Variants in MAMLD1 observed in about 807,000 individuals in gnomAD.
The protein encoded by MAMLD1 is mastermind like domain containing 1.
A neutral mutation model predicts 45.0 loss-of-function variants in MAMLD1; 14 were observed. That is an observed-to-expected ratio of 0.31 (90% CI 0.21 to 0.49). The LOEUF (loss-of-function observed/expected upper bound fraction) is 0.49. Among genes scored for constraint, MAMLD1 ranks in the 20% least tolerant of loss-of-function variants. The pLI, the probability that MAMLD1 is intolerant of heterozygous loss-of-function variation, is 0.99. For missense variants in MAMLD1, 543 were observed against 603.6 expected, an observed-to-expected ratio of 0.90 and a Z score of 1.05; for synonymous variants, 254 against 247.8, an observed-to-expected ratio of 1.02 and a Z score of -0.24.
At chrX:150,415,688 G>T (rs2034231277) in intron 1 of MAMLD1, among the ~76,000 whole-genome samples, 1 of 112,176 alleles carries the variant, frequency 8.9e-6, no homozygotes, top group African/African-American at 3.2e-5. Context: ...GAATGGTAGT[G>T]GATGACATTC....
intron 1 of MAMLD1, among the ~76,000 whole-genome samples, chrX:150,370,606 A>G (rs2031897217): frequency 9.0e-6 from 1 of 111,224 alleles, no homozygotes; most frequent in Non-Finnish European, 1.9e-5. Flanking sequence ...TTACCAGCCC[A>G]GGGCTGCTGA....
At chrX:150,426,446 C>T (rs984432270) in intron 1 of MAMLD1, among the ~76,000 whole-genome samples, 1 of 112,358 alleles carries the variant, frequency 8.9e-6, no homozygotes, top group African/African-American at 3.2e-5. Context: ...GCCATCAAGC[C>T]ATGCAAAATT....
chrX:150,454,936 T>C (rs1827056164), intron 2 of MAMLD1, among the ~76,000 whole-genome samples: 1 of 110,911 alleles, frequency 9.0e-6, no homozygotes, highest in Non-Finnish European at 1.9e-5. Context: ...CCATCACCTC[T>C]ACCATTACCA....
At chrX:150,441,464 T>C (rs1410760028) in intron 1 of MAMLD1, among the ~76,000 whole-genome samples, 1 of 110,350 alleles carries the variant, frequency 9.1e-6, no homozygotes, top group African/African-American at 3.3e-5. Context: ...GCTTTACCTG[T>C]GTCCCACAAA....
At chrX:150,468,428 G>A (rs1159266216) in intron 3 of MAMLD1, among the ~76,000 whole-genome samples, 4 of 111,236 alleles carry the variant, frequency 3.6e-5, no homozygotes, top group Non-Finnish European at 7.6e-5. Flanking sequence ...GGTTATTTGG[G>A]GGGTACCGGG....
chrX:150,497,635 G>A (rs999516973), intron 5 of MAMLD1, among the ~76,000 whole-genome samples: 3 of 110,072 alleles, frequency 2.7e-5, no homozygotes, highest in South Asian at 3.8e-4. Flanking sequence ...CATACCACAC[G>A]TATCATAACA....
chrX:150,473,992 C>T (rs1321094991), intron 5 of MAMLD1, among the ~76,000 whole-genome samples, 190 bp downstream of exon 5: 7 of 111,780 alleles, frequency 6.3e-5, no homozygotes, highest in Admixed American at 1.9e-4. Context: ...AGTCAAGCTC[C>T]CTGGGGCTAG....
In MAMLD1 at chrX:150,365,471, G is replaced by T. The variant is rs1235282680; in HGVS notation, c.-64+1941G>T. Reference sequence around the variant, plus strand: ...CCCTAGGCTGCAAGCGCTCCGCGGGGTGGGCAGACGCGACTCGCCGATGCG... The same window carrying T: ...CCCTAGGCTGCAAGCGCTCCGCGGGTTGGGCAGACGCGACTCGCCGATGCG... On this transcript the variant is annotated intron_variant, in intron 1 of 7. Coordinates refer to ENST00000370401, the MANE Select transcript of MAMLD1 (RefSeq NM_005491.5). Among the ~76,000 whole-genome samples the T allele has an allele frequency of 2.6e-5, 3 of 113,240 alleles. 1 individual carries two copies. The South Asian group carries it at 1.1e-3, about 40-fold the overall frequency.
chrX:150,462,789 G>T lies in MAMLD1; in HGVS notation c.114G>T (p.Trp38Cys), dbSNP rs1557405683. 1 of 1,208,803 alleles carries T rather than the reference G, an allele frequency of 8.3e-7. No individual in the cohort carries two copies. The highest frequency in any genetic ancestry group is 3.0e-5 in the East Asian group (1 of 33,780). The change falls in exon 3 of 8, where the codon TGG becomes TGT. Residue 38 changes from tryptophan (W) to cysteine (C), a missense_variant. By Grantham distance (215) the Trp-to-Cys change is radical. Transcript: ENST00000370401. ...KLQESGKKPS[W>C]MEEEDLSFLY... ...ACCCCCAGGGAAAGAAGCCCTCGTGGATGGAGGAAGAAGATTTATCTTTTC... is the reference window on the plus strand; with the variant it reads ...ACCCCCAGGGAAAGAAGCCCTCGTGTATGGAGGAAGAAGATTTATCTTTTC...
chrX:150,392,344 T>C (rs1212027383), intron 1 of MAMLD1, among the ~76,000 whole-genome samples: 5 of 111,061 alleles, frequency 4.5e-5, no homozygotes, highest in Admixed American at 3.8e-4. Context: ...CAGGACTGAG[T>C]AGGGGTGGAA....
intron 1 of MAMLD1, among the ~76,000 whole-genome samples, chrX:150,379,749 A>G (rs1214824780): frequency 1.8e-5 from 2 of 111,554 alleles, no homozygotes; most frequent in African/African-American, 6.5e-5. Context: ...ATATCTGTGT[A>G]TTTTCCCATA....
chrX:150,428,700 G>A (rs2034804870), intron 1 of MAMLD1, among the ~76,000 whole-genome samples: 1 of 112,201 alleles, frequency 8.9e-6, no homozygotes, highest in Admixed American at 9.4e-5. Flanking sequence ...AATGTGCTGA[G>A]GTTGTGAGAT....
chrX:150,440,930 ATAT>A (rs1187472796), intron 1 of MAMLD1, among the ~76,000 whole-genome samples: 4 of 103,243 alleles, frequency 3.9e-5, no homozygotes, highest in African/African-American at 7.2e-5. Flanking sequence ...ATTAAATATA[ATAT>A]TATTATTTAT....
In MAMLD1 at chrX:150,372,815, G is replaced by C. The variant is rs781936451; in HGVS notation, c.-64+9285G>C. 3.6e-5 allele frequency among the ~76,000 whole-genome samples: 4 copies of C among 112,259 alleles called. No individual in the cohort carries two copies. In the South Asian group the frequency reaches 1.5e-3, roughly 42 times the overall value. ...AGAGCATTATCATGTTAGTTGCCAT[G>C]ACAGTTCTCGAAATGAGCCCTGAAA... On this transcript the variant is annotated intron_variant, in intron 1 of 7. Coordinates refer to ENST00000370401, the MANE Select transcript of MAMLD1 (RefSeq NM_005491.5).
At chrX:150,505,071 T>A in intron 6 of MAMLD1, 17 of 753,788 alleles carry the variant, frequency 2.3e-5, no homozygotes, top group Non-Finnish European at 2.7e-5. Flanking sequence ...CAGTCATAGA[T>A]CATGTGGGAA....
chrX:150,399,357 G>A (rs1309529532), intron 1 of MAMLD1, among the ~76,000 whole-genome samples: 7 of 111,995 alleles, frequency 6.3e-5, no homozygotes, highest in Admixed American at 4.7e-4. Context: ...TATTATCATC[G>A]GCAACTGTGG....
intron 3 of MAMLD1, among the ~76,000 whole-genome samples, chrX:150,467,818 C>T (rs1303379460): frequency 2.7e-5 from 3 of 111,879 alleles, no homozygotes; most frequent in African/African-American, 9.8e-5. Flanking sequence ...TCAGAGACCT[C>T]TCTGTCTTTA....
rs782223978 is a variant in MAMLD1, at chrX:150,470,668, C to A, written c.1095C>A (p.Leu365=). 1 of 1,212,063 alleles carries A rather than the reference C, an allele frequency of 8.3e-7. No homozygotes were observed. The highest frequency in any genetic ancestry group is 2.2e-5 in the Admixed American group (1 of 46,091). Reference sequence around the variant, plus strand: ...CACCCCCATTCAGCCCCCAGAGCCTCATGGTGTCCTGCATGTCGTCCAATA... The same window carrying A: ...CACCCCCATTCAGCCCCCAGAGCCTAATGGTGTCCTGCATGTCGTCCAATA... ...PPPPPFSPQS[L]MVSCMSSNTL... is the part of the protein sequence containing the mutation. Residue 365 remains leucine, a synonymous_variant, in exon 4 of 8, where the codon CTC becomes CTA. Coordinates refer to ENST00000370401, the MANE Select transcript of MAMLD1 (RefSeq NM_005491.5).
intron 5 of MAMLD1, among the ~76,000 whole-genome samples, chrX:150,502,257 C>T (rs868965330): frequency 7.1e-5 from 8 of 112,638 alleles, no homozygotes; most frequent in Admixed American, 1.9e-4. Flanking sequence ...GCTTAGATTT[C>T]GGGTATGAGT....
Sources: allele counts gnomAD v4.1 joint callset (sites outside exome capture counted in the v4.1 genomes callset), GRCh38; gene constraint gnomAD v4.1.1; transcripts MANE v1.5; gene names NCBI Gene and HGNC (gene_info 2026-07-23, HGNC 2026-07-21).